The following ERC2 variants were observed in gnomAD, a reference collection of about 807,000 sequenced individuals.
ERC2 encodes ERC protein 2.
Under a neutral mutation model 114.8 loss-of-function variants are expected in ERC2, and 42 were observed. The ratio of observed to expected loss-of-function variants is 0.37; its 90% CI spans 0.29 to 0.47. The LOEUF is 0.47. Among genes scored for constraint, ERC2 ranks in the 20% least tolerant of loss-of-function variants. The pLI, the probability that ERC2 is intolerant of heterozygous loss-of-function variation, is 0.99. For synonymous variants in ERC2, 454 were observed against 425.5 expected (o/e 1.07, Z -0.82); for missense variants, 939 against 1,150.7 (o/e 0.82, Z 2.66).
chr3:55,616,734 T>C (rs941431019), intron 17 of ERC2, among the ~76,000 whole-genome samples: 12 of 152,004 alleles, frequency 7.9e-5, no homozygotes, highest in Non-Finnish European at 1.5e-4. Context: ...GTCCCTATTT[T>C]ACAAATAGAA....
intron 13 of ERC2, among the ~76,000 whole-genome samples, chr3:55,926,636 G>C (rs182567039): frequency 3.3e-5 from 5 of 152,178 alleles, no homozygotes; most frequent in African/African-American, 4.8e-5. Context: ...ACTGCATTCC[G>C]TGGAATAAGG....
chr3:55,650,602 G>A (rs1255481021), intron 17 of ERC2, among the ~76,000 whole-genome samples: 2 of 152,128 alleles, frequency 1.3e-5, no homozygotes, highest in Admixed American at 1.3e-4. Context: ...TAATCTATGA[G>A]GGCAGAGTAT....
intron 5 of ERC2, among the ~76,000 whole-genome samples, chr3:56,146,942 G>A (rs562058827): frequency 7.2e-5 from 11 of 152,292 alleles, no homozygotes; most frequent in Middle Eastern, 3.4e-3. Context: ...TCAGACAAAC[G>A]TGGGCTAATA....
At chr3:56,416,161 G>T (rs1312462312) in intron 2 of ERC2, among the ~76,000 whole-genome samples, 1 of 151,988 alleles carries the variant, frequency 6.6e-6, no homozygotes, top group East Asian at 1.9e-4. Context: ...TTCCTAGTAG[G>T]GGCTTTCTCT....
chr3:56,272,676 A>T (rs1186906849), intron 3 of ERC2, among the ~76,000 whole-genome samples: 1 of 152,248 alleles, frequency 6.6e-6, no homozygotes, highest in Non-Finnish European at 1.5e-5. Flanking sequence ...AGGCTGAGGC[A>T]GAAGAATCGC....
chr3:55,992,288 A>G, intron 10 of ERC2, 38 bp from the exon 11 acceptor site: 1 of 1,539,400 alleles, frequency 6.5e-7, no homozygotes, highest in Non-Finnish European at 8.9e-7. Flanking sequence ...AGTTAAGACA[A>G]CAATTTAGAA....
At chr3:55,933,080 G>A (rs916612402) in intron 13 of ERC2, among the ~76,000 whole-genome samples, 2 of 152,062 alleles carry the variant, frequency 1.3e-5, no homozygotes, top group African/African-American at 4.8e-5. Context: ...ATGGTGGTGA[G>A]TGCCTGTAAT....
intron 2 of ERC2, among the ~76,000 whole-genome samples, chr3:56,327,888 T>C (rs1455272746): frequency 1.3e-5 from 2 of 152,280 alleles, no homozygotes; most frequent in South Asian, 2.1e-4. Context: ...GGAAGATTCC[T>C]TTATAGGATT....
chr3:56,062,583 C>T (rs1158511422), intron 7 of ERC2, among the ~76,000 whole-genome samples: 2 of 152,124 alleles, frequency 1.3e-5, no homozygotes, highest in South Asian at 2.1e-4. Context: ...AAACAAGAAG[C>T]GCTCATTTCT....
At chr3:56,098,625 T>C (rs912080342) in intron 6 of ERC2, among the ~76,000 whole-genome samples, 94 of 152,344 alleles carry the variant, frequency 6.2e-4, no homozygotes, top group African/African-American at 2.2e-3. Context: ...GTGCTCTGTT[T>C]ATCATCTTAG....
chr3:56,184,127 G>T (rs2083449874), intron 3 of ERC2, among the ~76,000 whole-genome samples: 1 of 152,030 alleles, frequency 6.6e-6, no homozygotes, highest in Non-Finnish European at 1.5e-5. Context: ...TCCTTTTGGT[G>T]AATCTGCATT....
At chr3:55,536,492 A>G (rs752128906) in intron 17 of ERC2, among the ~76,000 whole-genome samples, 2 of 152,216 alleles carry the variant, frequency 1.3e-5, no homozygotes, top group Non-Finnish European at 2.9e-5. Context: ...GTATGTGCCC[A>G]ATAAGCACAT....
At chr3:56,012,678 T>C (rs570084308) in intron 8 of ERC2, among the ~76,000 whole-genome samples, 1 of 152,234 alleles carries the variant, frequency 6.6e-6, no homozygotes, top group South Asian at 2.1e-4. Context: ...TGGGCATTGA[T>C]GACAAAAAAA....
At chr3:56,202,213 A>G (rs968872402) in intron 3 of ERC2, among the ~76,000 whole-genome samples, 1 of 152,204 alleles carries the variant, frequency 6.6e-6, no homozygotes, top group African/African-American at 2.4e-5. Flanking sequence ...GAAAGCCTCA[A>G]ATTACCTTAT....
intron 13 of ERC2, among the ~76,000 whole-genome samples, chr3:55,916,270 C>T (rs1391369156): frequency 6.6e-6 from 1 of 152,124 alleles, no homozygotes. Context: ...TCATTTTACA[C>T]AAAAATCTAG....
intron 7 of ERC2, among the ~76,000 whole-genome samples, chr3:56,068,656 T>G (rs1300497245): frequency 6.6e-6 from 1 of 152,202 alleles, no homozygotes. Flanking sequence ...ATTTGAGATC[T>G]TTCTAGCTTT....
intron 2 of ERC2, among the ~76,000 whole-genome samples, chr3:56,337,925 G>A (rs1269536486): frequency 2.0e-5 from 3 of 152,176 alleles, no homozygotes; most frequent in Non-Finnish European, 4.4e-5. Flanking sequence ...CAACCACATG[G>A]TGCAAAAAAT....
At chr3:56,126,382 G>A (rs1575515305) in intron 6 of ERC2, among the ~76,000 whole-genome samples, 1 of 152,114 alleles carries the variant, frequency 6.6e-6, no homozygotes, top group Non-Finnish European at 1.5e-5. Flanking sequence ...TGCACAAAAA[G>A]CATTTGAAGA....
intron 3 of ERC2, among the ~76,000 whole-genome samples, chr3:56,264,816 T>C (rs1351166483): frequency 2.0e-5 from 2 of 99,750 alleles, no homozygotes; most frequent in Admixed American, 1.2e-4. Flanking sequence ...ACAGCAAATA[T>C]GACCTATCCA....
Sources: allele counts gnomAD v4.1 joint callset (sites outside exome capture counted in the v4.1 genomes callset), GRCh38; gene constraint gnomAD v4.1.1; transcripts MANE v1.5; gene names NCBI Gene and HGNC (gene_info 2026-07-23, HGNC 2026-07-21).